Variants in ZNF639 observed in about 807,000 individuals in gnomAD.
ZNF639 encodes zinc finger amplified in esophageal squamous cell carcinomas 1.
Under a neutral mutation model 39.8 loss-of-function variants are expected in ZNF639, and 20 were observed. The ratio of observed to expected loss-of-function variants is 0.50; its 90% CI spans 0.35 to 0.73. The LOEUF (loss-of-function observed/expected upper bound fraction) is 0.73, where lower values mean the gene tolerates loss of function less well. ZNF639 is among the 30% of genes least tolerant of loss of function. ZNF639 has a pLI of 0.00. For synonymous variants in ZNF639, 176 were observed against 189.8 expected, an observed-to-expected ratio of 0.93 and a Z score of 0.60; for missense variants, 477 against 566.2, an observed-to-expected ratio of 0.84 and a Z score of 1.60.
chr3:179,334,559 T>TA lies in ZNF639; in HGVS notation c.*138dup. 2 of 554,324 alleles carry TA rather than the reference T, an allele frequency of 3.6e-6. No homozygotes were observed. The highest frequency in any genetic ancestry group is 5.8e-6 in the Non-Finnish European group (2 of 345,286). The allele number at this position is 554,324 out of a possible 1,614,324, so 34.3% of individuals were successfully genotyped here. On this transcript the variant is annotated 3_prime_UTR_variant, in exon 6 of 6. Transcript: ENST00000496856. Reference sequence around the variant, plus strand: ...GTAACTTTTTTAAATTATAAAATTTTATTGGCATTGCTCCATTTTCTGTAT... The same window carrying TA: ...GTAACTTTTTTAAATTATAAAATTTTAATTGGCATTGCTCCATTTTCTGTAT...
At chr3:179,326,047 T>C (rs1339539148) in intron 1 of ZNF639, among the ~76,000 whole-genome samples, 1 of 146,360 alleles carries the variant, frequency 6.8e-6, no homozygotes, top group Non-Finnish European at 1.5e-5. Flanking sequence ...AAGAGCATTA[T>C]AGGCCGGGCG....
chr3:179,329,799 G>A (rs1727802375), intron 4 of ZNF639, 71 bp downstream of exon 4: 3 of 779,704 alleles, frequency 3.8e-6, no homozygotes, highest in Admixed American at 2.5e-5. Context: ...ACTTGAAAAT[G>A]TGGGTAAAAT....
At position 179,337,768 on chromosome 3, in the gene ZNF639, T is replaced by C. The variant is rs1469588315; in HGVS notation, c.*3346T>C. ...CATAAATTGCTTGAAGTAGTTGGTC[T>C]TTATTTATTTATTTTTTGAGATGGA... On this transcript the variant is annotated 3_prime_UTR_variant, in exon 6 of 6. Coordinates refer to ENST00000496856, the MANE Select transcript of ZNF639 (RefSeq NM_001303426.2). 6.6e-6 allele frequency: 1 copy of C among 151,972 alleles called. No homozygotes were observed. Among genetic ancestry groups the C allele is most frequent in the Admixed American group, 6.6e-5 (1 of 15,248 alleles). 9.4% of individuals were successfully genotyped at this position (151,972 alleles called of 1,614,324 possible).
chr3:179,323,022 C>G (rs548167492), upstream of ZNF639: 1 of 985,124 alleles, frequency 1.0e-6, no homozygotes, highest in African/African-American at 1.7e-5. Context: ...GCCCTCTCGG[C>G]GGGCCCCTGA....
At position 179,337,970 on chromosome 3, in the gene ZNF639, T is replaced by A. The variant is rs1711610241; in HGVS notation, c.*3548T>A. Reference sequence around the variant, plus strand: ...TTAGTAGAGATGGGGTTTCACCATCTTGGCCAGGCTGGTCTTGAACTCCTG... The same window carrying A: ...TTAGTAGAGATGGGGTTTCACCATCATGGCCAGGCTGGTCTTGAACTCCTG... On this transcript the variant is annotated 3_prime_UTR_variant, in exon 6 of 6. Transcript: ENST00000496856. 1 of 152,182 alleles carries A rather than the reference T, an allele frequency of 6.6e-6. No homozygotes were observed. The highest frequency in any genetic ancestry group is 6.5e-5 in the Admixed American group (1 of 15,276). 9.4% of individuals were successfully genotyped at this position (152,182 alleles called of 1,614,324 possible). A position where few individuals can be genotyped will look rare whatever the true frequency, so the allele number is the denominator to read the frequency against.
rs1266566908 is a variant in ZNF639, at chr3:179,330,916, A to C, written c.169+1188A>C. The stretch of plus-strand genomic sequence containing the variant: ...CTTGTAGATATGTGTGTGTATATAT[A>C]TGTGGTACTGTACACACACACTTTG... On this transcript the variant is annotated intron_variant, in intron 4 of 5. Transcript: ENST00000496856. Among the ~76,000 whole-genome samples the C allele has an allele frequency of 2.0e-5, 3 of 152,334 alleles. No homozygotes were observed. In the East Asian group the frequency reaches 5.8e-4, roughly 29 times the overall value.
At chr3:179,322,918 C>A, upstream of ZNF639, 1 of 985,258 alleles carries the variant, frequency 1.0e-6, no homozygotes, top group African/African-American at 1.7e-5. Context: ...CTGGGCCTCC[C>A]CCGGGGCTGC....
At chr3:179,332,415 G>A (rs1727967808) in intron 4 of ZNF639, among the ~76,000 whole-genome samples, 1 of 152,212 alleles carries the variant, frequency 6.6e-6, no homozygotes, top group Admixed American at 6.5e-5. Flanking sequence ...TTGAGGCCAG[G>A]AGTTCAAGGC....
intron 4 of ZNF639, among the ~76,000 whole-genome samples, chr3:179,331,707 G>A (rs1357758021): frequency 1.3e-5 from 2 of 151,126 alleles, no homozygotes; most frequent in Admixed American, 6.6e-5. Flanking sequence ...CCTGGGAGGC[G>A]GAGGTTGTGG....
chr3:179,332,958 A>G, intron 4 of ZNF639, 31 bp from the exon 5 acceptor site: 3 of 1,519,328 alleles, frequency 2.0e-6, no homozygotes, highest in Non-Finnish European at 2.6e-6. Flanking sequence ...TTGTATAAAT[A>G]ATAAGTATTC....
At chr3:179,327,048 G>C (rs185313383) in intron 1 of ZNF639, among the ~76,000 whole-genome samples, 428 of 151,982 alleles carry the variant, frequency 2.8e-3, no homozygotes, top group Non-Finnish European at 5.5e-3. Context: ...AAATTAGCCC[G>C]GTGTGGTGCC....
intron 4 of ZNF639, among the ~76,000 whole-genome samples, chr3:179,332,677 T>C (rs908702449): frequency 5.3e-5 from 8 of 152,182 alleles, no homozygotes; most frequent in Non-Finnish European, 1.0e-4. Context: ...AGTTTCCCCA[T>C]GCTAACTTTG....
chr3:179,333,636 C>G lies in ZNF639; in HGVS notation c.672C>G (p.Ile224Met). 6.2e-7 allele frequency: 1 copy of G among 1,614,100 alleles called. No homozygotes were observed. Among genetic ancestry groups the G allele is most frequent in the Non-Finnish European group, 8.5e-7 (1 of 1,180,022 alleles). Residue 224 changes from isoleucine to methionine, a missense_variant, in exon 6 of 6, where the codon ATC becomes ATG. By Grantham distance (10) the Ile-to-Met change is conservative. Coordinates refer to ENST00000496856, the MANE Select transcript of ZNF639 (RefSeq NM_001303426.2). ...TTTCTGACTTAAAGCAGCATATGAT[C>G]CTGAAGCATAAACGTACTGATTCAA... ...KYFSDLKQHM[I>M]LKHKRTDSNV...
Position 179,336,413 on chromosome 3 carries a change from G to C in ZNF639, c.*1991G>C, listed in dbSNP as rs1711528775. The C allele has an allele frequency of 6.6e-6, 1 of 152,198 alleles. No individual in the cohort carries two copies. Among genetic ancestry groups the C allele is most frequent in the African/African-American group, 2.4e-5 (1 of 41,438 alleles). The allele number at this position is 152,198 out of a possible 1,614,324, so 9.4% of individuals were successfully genotyped here. A position where few individuals can be genotyped will look rare whatever the true frequency, so the allele number is the denominator to read the frequency against. ...CCCACTTCAAGAATTTAGTCTGTTTGGACAATGGTGGCTGCAAGTATTCTT... is the reference window on the plus strand; with the variant it reads ...CCCACTTCAAGAATTTAGTCTGTTTCGACAATGGTGGCTGCAAGTATTCTT... On this transcript the variant is annotated 3_prime_UTR_variant, in exon 6 of 6. Transcript: ENST00000496856.
chr3:179,333,130 G>A lies in ZNF639; in HGVS notation c.304+7G>A, dbSNP rs375076355. 3 of 1,588,546 alleles carry A rather than the reference G, an allele frequency of 1.9e-6. No individual in the cohort carries two copies. The highest frequency in any genetic ancestry group is 1.2e-5 in the South Asian group (1 of 86,052). ...CACACTGCCTTTTCTACAGGTTGGGGGAACTAATTTATAGCATTGATATAT... is the reference window on the plus strand; with the variant it reads ...CACACTGCCTTTTCTACAGGTTGGGAGAACTAATTTATAGCATTGATATAT... On this transcript the variant is annotated splice_region_variant and intron_variant, in intron 5 of 5. Transcript: ENST00000496856.
chr3:179,333,532 C>T lies in ZNF639; in HGVS notation c.568C>T (p.Gln190Ter). The change falls in exon 6 of 6, where the codon CAG becomes TAG. Residue 190 changes from glutamine (Q) to a stop codon, truncating the protein, a stop_gained. Coordinates refer to ENST00000496856, the MANE Select transcript of ZNF639 (RefSeq NM_001303426.2). LOFTEE classifies it high-confidence loss of function. ...DKSQALNVTA[Q>*]QKWPLLRANS... is the part of the protein sequence containing the mutation. ...GAGCCAAGCTTTGAATGTGACTGCC[C>T]AGCAGAAATGGCCTTTACTGAGAGC... 2 of 1,614,134 alleles carry T rather than the reference C, an allele frequency of 1.2e-6. No individual in the cohort carries two copies. The highest frequency in any genetic ancestry group is 1.7e-6 in the Non-Finnish European group (2 of 1,180,042).
intron 4 of ZNF639, among the ~76,000 whole-genome samples, chr3:179,332,756 G>A (rs1727985640): frequency 6.6e-6 from 1 of 152,114 alleles, no homozygotes; most frequent in African/African-American, 2.4e-5. Context: ...AAAATCCTAA[G>A]GAACTTCAAA....
chr3:179,330,585 C>G (rs1188586126), intron 4 of ZNF639, among the ~76,000 whole-genome samples: 2 of 152,186 alleles, frequency 1.3e-5, no homozygotes, highest in Non-Finnish European at 2.9e-5. Flanking sequence ...GGCTCTCAGC[C>G]CTAAATCCAC....
At chr3:179,326,645 G>C (rs1727608493) in intron 1 of ZNF639, among the ~76,000 whole-genome samples, 1 of 151,328 alleles carries the variant, frequency 6.6e-6, no homozygotes, top group African/African-American at 2.4e-5. Context: ...TTGTTTTTGA[G>C]AGAGAGTCTT....
Sources: allele counts gnomAD v4.1 joint callset (sites outside exome capture counted in the v4.1 genomes callset), GRCh38; gene constraint gnomAD v4.1.1; transcripts MANE v1.5; gene names NCBI Gene and HGNC (gene_info 2026-07-23, HGNC 2026-07-21).